KDM4C: variants seen among roughly 807,000 people sequenced by gnomAD.
The protein encoded by KDM4C is lysine demethylase 4C.
A neutral mutation model predicts 129.3 loss-of-function variants in KDM4C; 81 were observed. The ratio of observed to expected loss-of-function variants is 0.63; its 90% confidence interval spans 0.52 to 0.75. KDM4C has a LOEUF of 0.75. Ranked by LOEUF, KDM4C falls within the 30% of genes least tolerant of loss-of-function variation. The probability of loss-of-function intolerance (pLI) is 0.00; values close to 1 mark genes in which losing one functional copy is unlikely to be tolerated. For synonymous variants in KDM4C, 573 were observed against 456.1 expected (o/e 1.26, Z -3.26); for missense variants, 1,457 against 1,304.0 (o/e 1.12, Z -1.81).
At chr9:7,037,739 A>G (rs12686038) in intron 15 of KDM4C, among the ~76,000 whole-genome samples, 6,574 of 152,222 alleles carry the variant, frequency 0.043, 192 homozygotes, top group East Asian at 0.1. Context: ...CCCTGAGGAA[A>G]AAAATATACA....
intron 1 of KDM4C, among the ~76,000 whole-genome samples, chr9:6,732,297 G>A (rs1211533152): frequency 5.4e-5 from 8 of 147,948 alleles, no homozygotes; most frequent in South Asian, 2.2e-4. Context: ...CCCGGGAAGC[G>A]GAGGTTGCAG....
chr9:7,131,321 A>G (rs1274325768), intron 19 of KDM4C, among the ~76,000 whole-genome samples: 1 of 152,146 alleles, frequency 6.6e-6, no homozygotes, highest in East Asian at 1.9e-4. Flanking sequence ...TTGGTGATGA[A>G]TGAGGCTTCC....
chr9:6,994,735 A>G (rs1819387115), intron 12 of KDM4C, among the ~76,000 whole-genome samples: 2 of 152,230 alleles, frequency 1.3e-5, no homozygotes. Flanking sequence ...ATCCTTGTCC[A>G]GGAAATAGTC....
intron 8 of KDM4C, among the ~76,000 whole-genome samples, chr9:6,954,414 T>A (rs969692115): frequency 6.6e-6 from 1 of 152,192 alleles, no homozygotes; most frequent in African/African-American, 2.4e-5. Context: ...CAGCTCATAA[T>A]TGTTTGTTAT....
At position 7,011,898 on chromosome 9, in the gene KDM4C, A is replaced by T. The variant is rs372508179; in HGVS notation, c.1968+19A>T. ...CCACAAGGTAAAGGAGCCTGCTATCATAGTTCCCTTCACTGCTCTGCCTTC... is the reference window on the plus strand; with the variant it reads ...CCACAAGGTAAAGGAGCCTGCTATCTTAGTTCCCTTCACTGCTCTGCCTTC... On this transcript the variant is annotated intron_variant, in intron 13 of 21. Coordinates refer to ENST00000381309, the MANE Select transcript of KDM4C (RefSeq NM_015061.6). The T allele has an allele frequency of 6.9e-6, 11 of 1,602,630 alleles. No homozygotes were observed. In the African/African-American group the frequency reaches 1.5e-4, roughly 21 times the overall value.
intron 8 of KDM4C, among the ~76,000 whole-genome samples, chr9:6,914,982 A>C (rs1029791384): frequency 3.9e-5 from 6 of 152,228 alleles, no homozygotes; most frequent in African/African-American, 1.4e-4. Context: ...TTTGCTGTCT[A>C]CCTATCTTTC....
At chr9:7,080,845 C>T (rs957133384) in intron 17 of KDM4C, among the ~76,000 whole-genome samples, 1 of 152,188 alleles carries the variant, frequency 6.6e-6, no homozygotes, top group Middle Eastern at 3.2e-3. Context: ...TTCCAGAATT[C>T]TTCTGGGGAA....
chr9:6,865,681 C>G (rs1841819215), intron 5 of KDM4C, among the ~76,000 whole-genome samples: 2 of 152,310 alleles, frequency 1.3e-5, no homozygotes, highest in African/African-American at 4.8e-5. Flanking sequence ...ATTCTGCTGC[C>G]TCAGCCCTCC....
intron 8 of KDM4C, among the ~76,000 whole-genome samples, chr9:6,939,557 C>G (rs1589215650): frequency 6.6e-6 from 1 of 152,168 alleles, no homozygotes; most frequent in East Asian, 1.9e-4. Context: ...GGACCACTGC[C>G]TTAAAGCATG....
chr9:7,020,423 A>T (rs1824582951), intron 15 of KDM4C, among the ~76,000 whole-genome samples: 1 of 152,182 alleles, frequency 6.6e-6, no homozygotes, highest in Non-Finnish European at 1.5e-5. Context: ...CGTTTGACTT[A>T]TGGCTTATAA....
chr9:7,170,021 T>A, intron 21 of KDM4C, 131 bp downstream of exon 21: 1 of 1,547,226 alleles, frequency 6.5e-7, no homozygotes, highest in Non-Finnish European at 8.7e-7. Context: ...TGCAACATTT[T>A]CCTTAGTGGA....
intron 3 of KDM4C, among the ~76,000 whole-genome samples, chr9:6,808,529 C>G (rs1202210647): frequency 4.1e-5 from 6 of 147,392 alleles, no homozygotes; most frequent in African/African-American, 2.6e-5. Flanking sequence ...AATCCCTAAT[C>G]TCAAGTAATC....
chr9:6,943,000 C>T (rs546402414), intron 8 of KDM4C, among the ~76,000 whole-genome samples: 3 of 152,032 alleles, frequency 2.0e-5, no homozygotes, highest in South Asian at 2.1e-4. Flanking sequence ...TGAGTAGCTA[C>T]GACTACAGCC....
intron 17 of KDM4C, among the ~76,000 whole-genome samples, chr9:7,085,175 G>A (rs1233074329): frequency 6.6e-6 from 1 of 152,224 alleles, no homozygotes; most frequent in East Asian, 1.9e-4. Context: ...CCAGGAAGGG[G>A]CATTGGAGCC....
At chr9:7,174,507 G>T in intron 21 of KDM4C, 46 bp from the exon 22 acceptor site, 1 of 1,586,196 alleles carries the variant, frequency 6.3e-7, no homozygotes, top group Non-Finnish European at 8.6e-7. Context: ...GTGTTCTGAA[G>T]ATCAAATGCC....
intron 2 of KDM4C, among the ~76,000 whole-genome samples, chr9:6,800,383 CAA>C (rs1263919836): frequency 1.3e-5 from 2 of 151,218 alleles, no homozygotes; most frequent in African/African-American, 4.9e-5. Flanking sequence ...AACAAACAAA[CAA>C]AAAATTAACT....
intron 12 of KDM4C, among the ~76,000 whole-genome samples, chr9:7,009,247 C>T (rs1458748994): frequency 6.6e-6 from 1 of 152,140 alleles, no homozygotes; most frequent in Non-Finnish European, 1.5e-5. Flanking sequence ...AATAACTGAA[C>T]TGAAAAGTTC....
At chr9:6,828,499 G>A (rs964871501) in intron 4 of KDM4C, among the ~76,000 whole-genome samples, 1 of 152,102 alleles carries the variant, frequency 6.6e-6, no homozygotes, top group Admixed American at 6.5e-5. Flanking sequence ...AGGTTGGGCT[G>A]CCACTTGAGG....
chr9:6,925,508 C>T, intron 8 of KDM4C: 1 of 858,490 alleles, frequency 1.2e-6, no homozygotes, highest in South Asian at 5.5e-5. Flanking sequence ...CTTGCTCATG[C>T]TGCTTTCAAT....
Sources: allele counts gnomAD v4.1 joint callset (sites outside exome capture counted in the v4.1 genomes callset), GRCh38; gene constraint gnomAD v4.1.1; transcripts MANE v1.5; gene names NCBI Gene and HGNC (gene_info 2026-07-23, HGNC 2026-07-21).